RNLS: variants seen among roughly 807,000 people sequenced by gnomAD.
RNLS encodes renalase, FAD dependent amine oxidase, also known as renalase.
A neutral mutation model predicts 39.8 loss-of-function variants in RNLS; 39 were observed. The observed-to-expected ratio is 0.98, with a 90% confidence interval of 0.76 to 1.28. The LOEUF (loss-of-function observed/expected upper bound fraction) is 1.28, where lower values mean the gene tolerates loss of function less well. Ranked by LOEUF, RNLS falls within the 50% of genes most tolerant of loss-of-function variation. The pLI, the probability that RNLS is intolerant of heterozygous loss-of-function variation, is 0.00. For missense variants in RNLS, 410 were observed against 413.3 expected (o/e 0.99, Z 0.07); for synonymous variants, 147 against 150.7 (o/e 0.98, Z 0.18).
the RNLS span, among the ~76,000 whole-genome samples, chr10:88,181,113 G>T: frequency 6.6e-6 from 1 of 152,128 alleles, no homozygotes; most frequent in African/African-American, 2.4e-5. Flanking sequence ...AGAATTTCTT[G>T]GGTTATCAGA....
chr10:88,194,364 C>T, the RNLS span, among the ~76,000 whole-genome samples: 1 of 152,186 alleles, frequency 6.6e-6, no homozygotes, highest in Non-Finnish European at 1.5e-5. Context: ...CAAAATTGCT[C>T]CTGGTTCAAA....
At chr10:88,272,994 C>A (rs1330658223), downstream of RNLS, among the ~76,000 whole-genome samples, 1 of 152,166 alleles carries the variant, frequency 6.6e-6, no homozygotes, top group South Asian at 2.1e-4. Flanking sequence ...TCTATCCTCC[C>A]TCGGGTGATG....
chr10:88,538,828 A>G lies in RNLS; in HGVS notation c.526+34075T>C, dbSNP rs543719209. Among the ~76,000 whole-genome samples, 15 of 152,192 alleles carry G rather than the reference A, an allele frequency of 9.9e-5. No homozygotes were observed. In the South Asian group the frequency reaches 1.2e-3, roughly 13 times the overall value. ...GCTACGGAAGGAAGTTATAACATCT[A>G]CTTGATGGAAAACATTTAATGTAAA... On this transcript the variant is annotated intron_variant, in intron 4 of 6. Transcript: ENST00000331772.
At chr10:88,425,296 TTAGAG>T (rs748110547) in intron 4 of RNLS, among the ~76,000 whole-genome samples, 33 of 152,114 alleles carry the variant, frequency 2.2e-4, no homozygotes, top group South Asian at 6.2e-4. Flanking sequence ...AAAACTAGAC[TTAGAG>T]TAAAGTTAAA....
chr10:88,492,975 T>A (rs115264722), intron 4 of RNLS, among the ~76,000 whole-genome samples: 2,025 of 152,282 alleles, frequency 0.013, 86 homozygotes, highest in South Asian at 0.11. Flanking sequence ...ACAAAATGTA[T>A]GAAATTATTT....
chr10:88,274,673 A>G, exon 7 of RNLS: 1 of 331,240 alleles, frequency 3.0e-6, no homozygotes, highest in South Asian at 3.5e-5. Context: ...ATGTTCGTTC[A>G]AGTCCCTACT....
chr10:88,486,401 A>T (rs1844524696), intron 4 of RNLS, among the ~76,000 whole-genome samples: 1 of 152,168 alleles, frequency 6.6e-6, no homozygotes, highest in Non-Finnish European at 1.5e-5. Context: ...GCTTCTGCAC[A>T]ACAAAAGAAA....
the RNLS span, among the ~76,000 whole-genome samples, chr10:88,200,863 G>A: frequency 5.3e-5 from 8 of 152,118 alleles, no homozygotes; most frequent in African/African-American, 1.9e-4. Flanking sequence ...CCGGGAAGTG[G>A]TCCACAGTAA....
downstream of RNLS, among the ~76,000 whole-genome samples, chr10:88,272,305 T>C (rs1842671817): frequency 6.6e-6 from 1 of 152,220 alleles, no homozygotes; most frequent in Admixed American, 6.5e-5. Context: ...CATTCTAATT[T>C]TCCTTTCCTT....
chr10:88,272,656 G>GAATA (rs1169100921), downstream of RNLS, among the ~76,000 whole-genome samples: 1 of 152,146 alleles, frequency 6.6e-6, no homozygotes. Context: ...ATTGGTGGTT[G>GAATA]AATAAATAAA....
At chr10:88,414,286 GA>G (rs1335790321) in intron 4 of RNLS, among the ~76,000 whole-genome samples, 2 of 152,072 alleles carry the variant, frequency 1.3e-5, no homozygotes, top group African/African-American at 2.4e-5. Flanking sequence ...GAGAGATTAG[GA>G]AATTTGAATG....
intron 4 of RNLS, among the ~76,000 whole-genome samples, chr10:88,535,258 A>G (rs1382093830): frequency 6.6e-6 from 1 of 152,158 alleles, no homozygotes; most frequent in Non-Finnish European, 1.5e-5. Flanking sequence ...TGGAACAAAC[A>G]CAAGTGTGTA....
intron 4 of RNLS, among the ~76,000 whole-genome samples, chr10:88,402,711 T>G (rs954153993): frequency 7.9e-5 from 12 of 151,926 alleles, no homozygotes; most frequent in African/African-American, 2.7e-4. Flanking sequence ...TTATAGAATG[T>G]TCTAGAAAAT....
At chr10:88,325,626 TA>T (rs1392562070) in intron 5 of RNLS, among the ~76,000 whole-genome samples, 1 of 152,236 alleles carries the variant, frequency 6.6e-6, no homozygotes, top group Admixed American at 6.5e-5. Context: ...ATTAATAGGT[TA>T]AATGTACTTA....
rs554649879 is a variant in RNLS, at chr10:88,554,483, A to G, written c.526+18420T>C. 5.3e-4 allele frequency among the ~76,000 whole-genome samples: 80 copies of G among 152,070 alleles called. 3 individuals are homozygous for G. The South Asian group carries it at 0.016, about 30-fold the overall frequency. On this transcript the variant is annotated intron_variant, in intron 4 of 6. Transcript: ENST00000331772. ...CTTAGTGCTGCCTAGCTATCCTACTATATTCTACTCAATTCACCCCCACTA... is the reference window on the plus strand; with the variant it reads ...CTTAGTGCTGCCTAGCTATCCTACTGTATTCTACTCAATTCACCCCCACTA...
At chr10:88,324,172 G>A (rs1466478794) in intron 5 of RNLS, among the ~76,000 whole-genome samples, 1 of 152,064 alleles carries the variant, frequency 6.6e-6, no homozygotes, top group Non-Finnish European at 1.5e-5. Flanking sequence ...AAACGGTATG[G>A]AGATTTCACA....
chr10:88,391,505 C>T (rs1045215382), intron 4 of RNLS, among the ~76,000 whole-genome samples: 10 of 152,138 alleles, frequency 6.6e-5, no homozygotes, highest in Non-Finnish European at 1.3e-4. Flanking sequence ...TTGCAGTAAG[C>T]CAAGGTCGCG....
chr10:88,232,928 C>T, the RNLS span, among the ~76,000 whole-genome samples: 1 of 152,196 alleles, frequency 6.6e-6, no homozygotes, highest in Non-Finnish European at 1.5e-5. Context: ...ATGGGTCAGG[C>T]ACTGTGACAA....
intron 4 of RNLS, among the ~76,000 whole-genome samples, chr10:88,553,056 A>T (rs955811976): frequency 1.3e-5 from 2 of 152,216 alleles, no homozygotes; most frequent in Non-Finnish European, 1.5e-5. Flanking sequence ...AAAGACAAAC[A>T]AAAACATGGG....
Sources: allele counts gnomAD v4.1 joint callset (sites outside exome capture counted in the v4.1 genomes callset), GRCh38; gene constraint gnomAD v4.1.1; transcripts MANE v1.5; gene names NCBI Gene and HGNC (gene_info 2026-07-23, HGNC 2026-07-21).